The following RNASEL variants were observed in gnomAD, a reference collection of about 807,000 sequenced individuals.
RNASEL encodes the protein ribonuclease L, also known as 2-5A-dependent ribonuclease.
RNASEL carries 36 observed loss-of-function variants against 50.9 expected under a neutral mutation model. The ratio of observed to expected loss-of-function variants is 0.71; its 90% confidence interval spans 0.54 to 0.93. The LOEUF is 0.93. Among genes scored for constraint, RNASEL ranks in the 40% least tolerant of loss-of-function variants. The pLI is 0.00. For missense variants in RNASEL, 860 were observed against 894.5 expected (o/e 0.96, Z 0.49); for synonymous variants, 335 against 335.6 (o/e 1.00, Z 0.02).
chr1:182,588,414 T>C (rs1203530878), intron 1 of RNASEL, among the ~76,000 whole-genome samples: 4 of 152,166 alleles, frequency 2.6e-5, no homozygotes, highest in Non-Finnish European at 4.4e-5. Context: ...TATATCCCGT[T>C]ATGAAAAAAT....
intron 5 of RNASEL, chr1:182,579,197 A>C (rs1661445160): frequency 1.0e-6 from 1 of 969,382 alleles, no homozygotes; most frequent in Non-Finnish European, 1.2e-6. Context: ...ATGTAACAAA[A>C]CTATACTAGT....
At position 182,585,399 on chromosome 1, in the gene RNASEL, T is replaced by C; in HGVS notation, c.1408A>G (p.Lys470Glu). ...FARNVLSSIF[K>E]AVQELHLSCG... Reference sequence around the variant, plus strand: ...GACAAGTGTAGTTCTTGAACAGCCTTAAATATAGATGACAGGACATTTCGG... The same window carrying C: ...GACAAGTGTAGTTCTTGAACAGCCTCAAATATAGATGACAGGACATTTCGG... The change falls in exon 2 of 7, where the codon AAG becomes GAG. Residue 470 changes from lysine to glutamate, a missense_variant. Lys to Glu is a moderately conservative substitution (Grantham distance 56, BLOSUM62 1). Coordinates refer to ENST00000367559, the MANE Select transcript of RNASEL (RefSeq NM_021133.4). The C allele has an allele frequency of 1.2e-6, 2 of 1,614,122 alleles. No homozygotes were observed. The highest frequency in any genetic ancestry group is 2.7e-5 in the African/African-American group (2 of 75,016).
chr1:182,580,464 T>G (rs768339092), intron 5 of RNASEL, among the ~76,000 whole-genome samples: 4 of 152,234 alleles, frequency 2.6e-5, no homozygotes, highest in African/African-American at 7.2e-5. Context: ...TCTCCCATAG[T>G]GCTTTGCACA....
Position 182,586,799 on chromosome 1 carries a change from C to T in RNASEL, c.8G>A (p.Ser3Asn). ME[S>N]RDHNNPQEGP... ...CTCCTGGGGGTTGTTATGATCCCTG[C>T]TCTCCATGACGGTAAATGCCACCTG... is the stretch of plus-strand genomic sequence containing the variant. The change falls in exon 2 of 7, where the codon AGC (serine) becomes AAC (asparagine). Residue 3 changes from serine (S) to asparagine (N), a missense_variant. By Grantham distance (46) the Ser-to-Asn change is conservative. Coordinates refer to ENST00000367559, the MANE Select transcript of RNASEL (RefSeq NM_021133.4). The T allele has an allele frequency of 6.2e-7, 1 of 1,614,158 alleles. No homozygotes were observed. The highest frequency in any genetic ancestry group is 8.5e-7 in the Non-Finnish European group (1 of 1,180,032).
At chr1:182,581,195 T>C in intron 5 of RNASEL, 30 bp downstream of exon 5, 14 of 1,614,098 alleles carry the variant, frequency 8.7e-6, no homozygotes, top group African/African-American at 1.3e-5. Context: ...ATTCCTGGAC[T>C]AACCCCTGCA....
intron 2 of RNASEL, 63 bp downstream of exon 2, chr1:182,585,264 C>T (rs1173266348): frequency 6.5e-7 from 1 of 1,547,784 alleles, no homozygotes; most frequent in African/African-American, 1.4e-5. Context: ...CAATGAAAAA[C>T]TTTTCCTATC....
At chr1:182,577,776 T>C (rs1281424001) in intron 5 of RNASEL, among the ~76,000 whole-genome samples, 1 of 152,066 alleles carries the variant, frequency 6.6e-6, no homozygotes, top group Non-Finnish European at 1.5e-5. Flanking sequence ...AGTACTGGTA[T>C]AAAAATAGAC....
rs1182054036 is a variant in RNASEL at position 182,585,655 on chromosome 1, A to C, written c.1152T>G (p.Tyr384Ter). 6.2e-6 allele frequency: 10 copies of C among 1,614,162 alleles called. No individual in the cohort carries two copies. Among genetic ancestry groups the C allele is most frequent in the Non-Finnish European group, 8.5e-6 (10 of 1,180,020 alleles). ...TSEGGIYLGF[Y>*]EKQEVAVKTF... ...TCTTCACAGCTACTTCTTGCTTCTCATAGAACCCCAGGTAGATGCCTCCTT... is the reference window on the plus strand; with the variant it reads ...TCTTCACAGCTACTTCTTGCTTCTCCTAGAACCCCAGGTAGATGCCTCCTT... The change falls in exon 2 of 7, where the codon TAT (tyrosine) becomes TAG (stop). Residue 384 changes from tyrosine to a stop codon, truncating the protein, a stop_gained. Transcript: ENST00000367559. LOFTEE classifies it high-confidence loss of function.
intron 6 of RNASEL, among the ~76,000 whole-genome samples, chr1:182,575,897 G>C (rs570543889): frequency 5.3e-4 from 80 of 152,306 alleles, no homozygotes; most frequent in African/African-American, 1.9e-3. Context: ...TAACATCTTT[G>C]TCAGCAAAAG....
Position 182,574,466 on chromosome 1 carries a change from G to A in RNASEL, c.*926C>T. 4.3e-6 allele frequency: 1 copy of A among 231,198 alleles called. No homozygotes were observed. Among genetic ancestry groups the A allele is most frequent in the East Asian group, 6.1e-5 (1 of 16,332 alleles). 14.3% of individuals were successfully genotyped at this position (231,198 alleles called of 1,614,324 possible). A position where few individuals can be genotyped will look rare whatever the true frequency, so the allele number is the denominator to read the frequency against. On this transcript the variant is annotated 3_prime_UTR_variant, in exon 7 of 7. Transcript: ENST00000367559. ...AATAAATCTGAGTCCCTCCTCTGTGGGGTGGTCCACACACTCCACAGTCCT... is the reference window on the plus strand; with the variant it reads ...AATAAATCTGAGTCCCTCCTCTGTGAGGTGGTCCACACACTCCACAGTCCT...
At chr1:182,578,267 A>T (rs1435154088) in intron 5 of RNASEL, 1 of 152,238 alleles carries the variant, frequency 6.6e-6, no homozygotes, top group African/African-American at 2.4e-5. Context: ...TTTACAAGGA[A>T]CTCAAACAAC....
rs1200163279 is a variant in RNASEL, at chr1:182,575,393, C to T, written c.2225G>A (p.Ter742=). 2 of 1,614,024 alleles carry T rather than the reference C, an allele frequency of 1.2e-6. No individual in the cohort carries two copies. The highest frequency in any genetic ancestry group is 1.1e-5 in the South Asian group (1 of 91,068). ...CCTGAACTCCAGCAAATCAGTCCAT[C>T]AGCACCCAGGGCTGGCCAACCCACT... ...GASGLASPGC[*] Residue 742 remains the stop codon, a stop_retained_variant, in exon 7 of 7, where the codon TGA becomes TAA. Transcript: ENST00000367559.
intron 3 of RNASEL, among the ~76,000 whole-genome samples, chr1:182,583,820 A>T (rs1661542685): frequency 6.6e-6 from 1 of 152,164 alleles, no homozygotes; most frequent in Non-Finnish European, 1.5e-5. Flanking sequence ...TTGGCCACAG[A>T]CTGAAGGCTG....
chr1:182,575,881 T>G (rs1390664826), intron 6 of RNASEL, among the ~76,000 whole-genome samples: 1 of 152,264 alleles, frequency 6.6e-6, no homozygotes, highest in Non-Finnish European at 1.5e-5. Context: ...TTTGTGAGTT[T>G]GCAACTAACA....
In RNASEL at chr1:182,576,364, AT is replaced by A; in HGVS notation, c.1930del (p.Met644Ter). ...TKINECVMKK[M>X]NKFYEKRGNF... ...GCCTCTTTTTTCATAAAACTTATTC[AT>A]TTTTTTCATAACACATTCATTAATC... On this transcript the variant is annotated frameshift_variant, in exon 6 of 7. Coordinates refer to ENST00000367559, the MANE Select transcript of RNASEL (RefSeq NM_021133.4). LOFTEE classifies it high-confidence loss of function. 6.3e-7 allele frequency: 1 copy of A among 1,589,202 alleles called. No homozygotes were observed. The highest frequency in any genetic ancestry group is 8.6e-7 in the Non-Finnish European group (1 of 1,159,256).
At position 182,581,323 on chromosome 1, in the gene RNASEL, A is replaced by T. The variant is rs1364489553; in HGVS notation, c.1807T>A (p.Ser603Thr). Residue 603 changes from serine to threonine, a missense_variant, in exon 5 of 7, where the codon TCC becomes ACC. Physicochemically the swap from Ser to Thr is moderately conservative, Grantham distance 58. Coordinates refer to ENST00000367559, the MANE Select transcript of RNASEL (RefSeq NM_021133.4). ...TCAGATTTTCGTGTTTTGATGTCGG[A>T]TTCATTTCCCACATTCCGAAGCGTC... is the stretch of plus-strand genomic sequence containing the variant. The part of the protein sequence containing the change: ...YRTLRNVGNE[S>T]DIKTRKSESE... 48 of 1,613,994 alleles carry T rather than the reference A, an allele frequency of 3.0e-5. No individual in the cohort carries two copies. The highest frequency in any genetic ancestry group is 4.0e-5 in the Non-Finnish European group (47 of 1,180,002).
chr1:182,577,963 T>C (rs928780972), intron 5 of RNASEL, among the ~76,000 whole-genome samples: 3 of 152,138 alleles, frequency 2.0e-5, no homozygotes. Flanking sequence ...CCTCTCTCTC[T>C]CAGTGTATAC....
chr1:182,575,092 G>C lies in RNASEL; in HGVS notation c.*300C>G. ...CAAGATCATTGGGAAAATTAAGTGA[G>C]AGAATTGTAACATATGCAGCATTAG... On this transcript the variant is annotated 3_prime_UTR_variant, in exon 7 of 7. Transcript: ENST00000367559. The C allele has an allele frequency of 2.4e-6, 1 of 414,120 alleles. No homozygotes were observed. The highest frequency in any genetic ancestry group is 4.4e-6 in the Non-Finnish European group (1 of 229,220). The allele number at this position is 414,120 out of a possible 1,614,324, so 25.7% of individuals were successfully genotyped here.
chr1:182,581,173 A>T, intron 5 of RNASEL, 52 bp downstream of exon 5: 2 of 1,612,936 alleles, frequency 1.2e-6, no homozygotes, highest in South Asian at 2.2e-5. Context: ...ATAAAACATT[A>T]CACAAATTCT....
Sources: allele counts gnomAD v4.1 joint callset (sites outside exome capture counted in the v4.1 genomes callset), GRCh38; gene constraint gnomAD v4.1.1; transcripts MANE v1.5; gene names NCBI Gene and HGNC (gene_info 2026-07-23, HGNC 2026-07-21).